The following ZFHX3 variants were observed in gnomAD, a reference collection of about 807,000 sequenced individuals.
ZFHX3 encodes the protein zinc finger homeobox 3.
ZFHX3 carries 42 observed loss-of-function variants against 279.1 expected under a neutral mutation model. The ratio of observed to expected loss-of-function variants is 0.15; its 90% CI spans 0.12 to 0.19. The LOEUF is 0.19. Ranked by LOEUF, ZFHX3 falls within the 10% of genes least tolerant of loss-of-function variation. ZFHX3 has a pLI of 1.00. For synonymous variants in ZFHX3, 2,293 were observed against 1,957.8 expected (o/e 1.17, Z -4.52); for missense variants, 4,981 against 4,754.0 (o/e 1.05, Z -1.40).
chr16:73,389,360 A>G (rs2016965283), intron 3 of ZFHX3: 1 of 152,260 alleles, frequency 6.6e-6, no homozygotes, highest in Non-Finnish European at 1.5e-5. Flanking sequence ...TCACTGGCAC[A>G]TTAAGAAAAT....
chr16:73,516,465 T>C (rs979330619), intron 2 of ZFHX3, among the ~76,000 whole-genome samples: 5 of 152,212 alleles, frequency 3.3e-5, no homozygotes, highest in Non-Finnish European at 7.3e-5. Context: ...ATTGTTTAAA[T>C]GTTCTATATT....
chr16:73,770,907 G>A (rs1406255310), intron 1 of ZFHX3, among the ~76,000 whole-genome samples: 3 of 152,160 alleles, frequency 2.0e-5, no homozygotes, highest in African/African-American at 4.8e-5. Context: ...TTAGACGGAT[G>A]GATGGATCAC....
At chr16:72,986,773 C>A (rs1240602396) in intron 1 of ZFHX3, among the ~76,000 whole-genome samples, 1 of 152,092 alleles carries the variant, frequency 6.6e-6, no homozygotes. Context: ...CTGGGTCCTG[C>A]GATTAAGGAT....
chr16:73,677,625 A>G (rs1303004513), intron 2 of ZFHX3, among the ~76,000 whole-genome samples: 1 of 152,084 alleles, frequency 6.6e-6, no homozygotes, highest in Admixed American at 6.5e-5. Flanking sequence ...TTTAACTATA[A>G]CAATATTTTG....
intron 3 of ZFHX3, among the ~76,000 whole-genome samples, chr16:73,453,543 A>C (rs2018316446): frequency 6.6e-6 from 1 of 152,236 alleles, no homozygotes; most frequent in Admixed American, 6.5e-5. Flanking sequence ...AGCCACCTTC[A>C]GCTGTTTTAA....
At chr16:73,687,402 A>G (rs2380345) in intron 1 of ZFHX3, among the ~76,000 whole-genome samples, 79,305 of 150,846 alleles carry the variant, frequency 0.53, 23,416 homozygotes, top group East Asian at 0.85. Context: ...AAAAGTTTCC[A>G]AACGATGGGT....
At chr16:73,016,328 G>A (rs1258169505) in intron 1 of ZFHX3, among the ~76,000 whole-genome samples, 1 of 152,022 alleles carries the variant, frequency 6.6e-6, no homozygotes, top group Non-Finnish European at 1.5e-5. Flanking sequence ...GGATTTAAAT[G>A]TTCAATTTTA....
intron 7 of ZFHX3, among the ~76,000 whole-genome samples, chr16:73,102,360 A>C (rs1055442510): frequency 6.6e-6 from 1 of 152,216 alleles, no homozygotes. Flanking sequence ...CACTTTGTGA[A>C]ATACATATCT....
chr16:73,333,600 G>A (rs1324179166), intron 3 of ZFHX3, among the ~76,000 whole-genome samples: 2 of 152,226 alleles, frequency 1.3e-5, no homozygotes, highest in South Asian at 4.2e-4. Context: ...GAGTTGACAA[G>A]GGACAATAAC....
chr16:73,558,577 T>C (rs1317665881), intron 2 of ZFHX3: 1 of 152,208 alleles, frequency 6.6e-6, no homozygotes, highest in Non-Finnish European at 1.5e-5. Flanking sequence ...AGTGCTGTTA[T>C]TAAGCAGTAT....
rs988434352 is a variant in ZFHX3 at position 73,399,319 on chromosome 16, G to C, written c.-1291+56684C>G. On this transcript the variant is annotated intron_variant, in intron 3 of 17. Coordinates refer to the ZFHX3 transcript ENST00000641206. The stretch of plus-strand genomic sequence containing the variant: ...ATAGTCACAAACGATATGGGAACTT[G>C]GGGAGTTCCTTTCCTCTGAGGCATG... Among the ~76,000 whole-genome samples the C allele has an allele frequency of 9.2e-5, 14 of 152,116 alleles. 1 individual carries two copies. The highest frequency in any genetic ancestry group is 3.2e-3 in the Middle Eastern group (1 of 316).
At chr16:73,595,240 A>G (rs1237991219) in intron 2 of ZFHX3, among the ~76,000 whole-genome samples, 1 of 152,098 alleles carries the variant, frequency 6.6e-6, no homozygotes, top group Non-Finnish European at 1.5e-5. Context: ...GTCCATCATC[A>G]TATTTATTTC....
At chr16:73,332,881 G>C (rs531192900) in intron 3 of ZFHX3, among the ~76,000 whole-genome samples, 25 of 152,282 alleles carry the variant, frequency 1.6e-4, no homozygotes, top group East Asian at 7.7e-4. Context: ...TGATTTTCTA[G>C]AGGCCAAATT....
intron 1 of ZFHX3, among the ~76,000 whole-genome samples, chr16:73,858,645 A>G (rs1347015338): frequency 1.3e-5 from 2 of 152,228 alleles, no homozygotes; most frequent in Admixed American, 6.5e-5. Flanking sequence ...TAGCATTTGC[A>G]TTTGGGAGGA....
intron 9 of ZFHX3, among the ~76,000 whole-genome samples, chr16:72,792,614 G>T (rs2035750415): frequency 6.6e-6 from 1 of 152,046 alleles, no homozygotes; most frequent in Non-Finnish European, 1.5e-5. Flanking sequence ...ACCACACTTG[G>T]GTAATTTTTG....
chr16:73,060,109 G>C (rs1294130492), upstream of ZFHX3: 1 of 151,602 alleles, frequency 6.6e-6, no homozygotes, highest in Non-Finnish European at 1.5e-5. Flanking sequence ...ATGTAATAAA[G>C]GCAGTGAAAA....
chr16:73,785,035 T>C (rs1162452573), intron 1 of ZFHX3, among the ~76,000 whole-genome samples: 5 of 152,074 alleles, frequency 3.3e-5, no homozygotes, highest in Admixed American at 3.3e-4. Flanking sequence ...TCTCTTAAAA[T>C]ATTGTTTGAT....
intron 2 of ZFHX3, among the ~76,000 whole-genome samples, chr16:73,649,575 G>T (rs996352677): frequency 6.6e-6 from 1 of 152,148 alleles, no homozygotes; most frequent in African/African-American, 2.4e-5. Context: ...GAATATGTAT[G>T]AGTTTTATAT....
chr16:72,897,927 C>T (rs1016986543), intron 3 of ZFHX3, among the ~76,000 whole-genome samples: 6 of 152,186 alleles, frequency 3.9e-5, no homozygotes, highest in African/African-American at 1.4e-4. Flanking sequence ...CCAAGCTACG[C>T]TGCACAGACT....
Sources: gnomAD v4.1 joint callset for allele counts (sites outside exome capture counted in the v4.1 genomes callset) on GRCh38, gnomAD v4.1.1 for gene constraint, MANE v1.5 for transcripts, NCBI Gene and HGNC (gene_info 2026-07-23, HGNC 2026-07-21) for gene names.